ZNF277: variants seen among roughly 807,000 people sequenced by gnomAD.
ZNF277 encodes zinc finger protein 277.
A neutral mutation model predicts 60.7 loss-of-function variants in ZNF277; 55 were observed. The ratio of observed to expected loss-of-function variants is 0.91; its 90% CI spans 0.73 to 1.13. The LOEUF (loss-of-function observed/expected upper bound fraction) is 1.13. Ranked by LOEUF, ZNF277 falls within the 50% of genes most tolerant of loss-of-function variation. The pLI, the probability that ZNF277 is intolerant of heterozygous loss-of-function variation, is 0.00. For missense variants in ZNF277, 510 were observed against 523.0 expected (o/e 0.98, Z 0.24); for synonymous variants, 178 against 179.3 (o/e 0.99, Z 0.06).
intron 1 of ZNF277, among the ~76,000 whole-genome samples, chr7:112,264,560 G>C (rs1791503925): frequency 6.6e-6 from 1 of 151,844 alleles, no homozygotes; most frequent in East Asian, 1.9e-4. Flanking sequence ...TTTATAGAAG[G>C]ATATTCCATG....
chr7:112,219,298 T>C (rs776104172), intron 1 of ZNF277, among the ~76,000 whole-genome samples: 6 of 152,226 alleles, frequency 3.9e-5, no homozygotes, highest in Non-Finnish European at 7.3e-5. Flanking sequence ...TTGGCCAGAC[T>C]AATGTCAAGA....
chr7:112,227,829 A>C (rs1239444628), intron 1 of ZNF277, among the ~76,000 whole-genome samples: 1 of 152,032 alleles, frequency 6.6e-6, no homozygotes, highest in African/African-American at 2.4e-5. Context: ...TGTAGCTTTA[A>C]TCATATTATC....
chr7:112,222,520 GC>G (rs762772648), intron 1 of ZNF277, among the ~76,000 whole-genome samples: 2 of 152,114 alleles, frequency 1.3e-5, no homozygotes, highest in Non-Finnish European at 1.5e-5. Context: ...TGTGGTATCA[GC>G]TGTGATATCT....
In ZNF277 at chr7:112,264,260, A is replaced by G. The variant is rs112267663; in HGVS notation, c.92-22613A>G. On this transcript the variant is annotated intron_variant, in intron 1 of 11. Transcript: ENST00000361822. ...GTTGCCCTGGCCTACACTTTTGCCT[A>G]GAATGCAACTCCTAAATGCTAATGC... is the stretch of plus-strand genomic sequence containing the variant. 9.9e-5 allele frequency among the ~76,000 whole-genome samples: 15 copies of G among 152,256 alleles called. 2 individuals carry two copies. Among genetic ancestry groups the G allele is most frequent in the African/African-American group, 2.6e-4 (11 of 41,570 alleles).
chr7:112,226,598 T>C (rs1822182099), intron 1 of ZNF277, among the ~76,000 whole-genome samples: 1 of 152,190 alleles, frequency 6.6e-6, no homozygotes, highest in South Asian at 2.1e-4. Flanking sequence ...TGTTCCAGAG[T>C]ACTCAAGCCT....
rs562221333 is a variant in ZNF277, at chr7:112,305,573, A to G, written c.465+9262A>G. 6.6e-5 allele frequency among the ~76,000 whole-genome samples: 10 copies of G among 152,114 alleles called. No homozygotes were observed. In the East Asian group the frequency reaches 1.4e-3, roughly 21 times the overall value. On this transcript the variant is annotated intron_variant, in intron 4 of 11. Transcript: ENST00000361822. ...TAGAAGTCATAGACTACAGTGCCCA[A>G]TGTAATACTAAACTTTTAATGAGCC...
chr7:112,338,682 T>A (rs1331698746), intron 9 of ZNF277, among the ~76,000 whole-genome samples: 1 of 152,198 alleles, frequency 6.6e-6, no homozygotes, highest in Non-Finnish European at 1.5e-5. Context: ...TTTTCCTTGA[T>A]TTTAGTTTCT....
intron 1 of ZNF277, among the ~76,000 whole-genome samples, chr7:112,221,000 G>T (rs893826772): frequency 6.6e-6 from 1 of 152,010 alleles, no homozygotes; most frequent in East Asian, 1.9e-4. Flanking sequence ...GTTTGTTACC[G>T]CTCGAGCTGA....
chr7:112,268,056 G>A (rs1791588836), intron 1 of ZNF277, among the ~76,000 whole-genome samples: 1 of 152,142 alleles, frequency 6.6e-6, no homozygotes, highest in Non-Finnish European at 1.5e-5. Context: ...AATTTGCCAT[G>A]AAAGTGAATT....
intron 1 of ZNF277, among the ~76,000 whole-genome samples, chr7:112,228,699 A>G (rs1822242783): frequency 6.6e-6 from 1 of 152,056 alleles, no homozygotes; most frequent in Admixed American, 6.6e-5. Context: ...CAGATTGTAC[A>G]TAGTATATGC....
intron 2 of ZNF277, chr7:112,288,644 G>A (rs1217381913): frequency 6.5e-6 from 1 of 154,116 alleles, no homozygotes; most frequent in Non-Finnish European, 1.5e-5. Flanking sequence ...CGATCTGGCT[G>A]TGACATCTGT....
intron 1 of ZNF277, among the ~76,000 whole-genome samples, chr7:112,243,757 G>T (rs1185960900): frequency 6.6e-6 from 1 of 151,882 alleles, no homozygotes; most frequent in Non-Finnish European, 1.5e-5. Context: ...ATTTGTCAAA[G>T]AATTAAAAAT....
chr7:112,258,235 A>G (rs527435980), intron 1 of ZNF277, among the ~76,000 whole-genome samples: 13 of 152,240 alleles, frequency 8.5e-5, no homozygotes, highest in African/African-American at 2.4e-4. Context: ...ATCTAATTTG[A>G]ATACATTTTA....
intron 1 of ZNF277, among the ~76,000 whole-genome samples, chr7:112,232,042 CATAT>C (rs67934905): frequency 0.013 from 1,705 of 132,928 alleles, 19 homozygotes; most frequent in Admixed American, 0.045. Flanking sequence ...TAAATAAATA[CATAT>C]ATATATATAT....
In ZNF277 at chr7:112,343,080, T is replaced by G. The variant is rs1793476757; in HGVS notation, c.*351T>G. ...GAAATGTTCAAATTATTTATAAACC[T>G]GATTTTTCAATCAGTAGTTTCAGTC... On this transcript the variant is annotated 3_prime_UTR_variant, in exon 12 of 12. Coordinates refer to ENST00000361822, the MANE Select transcript of ZNF277 (RefSeq NM_021994.3). 6.3e-6 allele frequency: 1 copy of G among 157,844 alleles called. No homozygotes were observed. The highest frequency in any genetic ancestry group is 6.4e-5 in the Admixed American group (1 of 15,602). 9.8% of individuals were successfully genotyped at this position (157,844 alleles called of 1,614,324 possible). A position where few individuals can be genotyped will look rare whatever the true frequency, so the allele number is the denominator to read the frequency against.
chr7:112,295,051 T>C (rs1792294055), intron 2 of ZNF277, among the ~76,000 whole-genome samples: 1 of 152,180 alleles, frequency 6.6e-6, no homozygotes, highest in African/African-American at 2.4e-5. Flanking sequence ...CTCAGTTGTG[T>C]GGCCTGATAA....
intron 1 of ZNF277, among the ~76,000 whole-genome samples, chr7:112,219,849 C>T (rs1220875821): frequency 6.6e-5 from 10 of 152,188 alleles, no homozygotes; most frequent in African/African-American, 1.7e-4. Flanking sequence ...TTAGCCCAGT[C>T]TGGTCTCCAA....
chr7:112,259,127 C>T (rs1791387372), intron 1 of ZNF277, among the ~76,000 whole-genome samples: 1 of 152,120 alleles, frequency 6.6e-6, no homozygotes, highest in African/African-American at 2.4e-5. Context: ...TGAATTGATT[C>T]ATTCAGTGCT....
At chr7:112,234,375 T>G (rs953001530) in intron 1 of ZNF277, among the ~76,000 whole-genome samples, 8 of 152,196 alleles carry the variant, frequency 5.3e-5, no homozygotes, top group African/African-American at 1.4e-4. Flanking sequence ...TGATGTCTGA[T>G]GAGGGCATAG....
Sources: gnomAD v4.1 joint callset for allele counts (sites outside exome capture counted in the v4.1 genomes callset) on GRCh38, gnomAD v4.1.1 for gene constraint, MANE v1.5 for transcripts, NCBI Gene and HGNC (gene_info 2026-07-23, HGNC 2026-07-21) for gene names.